The following LPIN3 variants were observed in gnomAD, a reference collection of about 807,000 sequenced individuals.
LPIN3 encodes the protein phosphatidate phosphatase LPIN3.
A neutral mutation model predicts 94.7 loss-of-function variants in LPIN3; 82 were observed. The ratio of observed to expected loss-of-function variants is 0.87; its 90% confidence interval spans 0.72 to 1.04. The LOEUF is 1.04. Among genes scored for constraint, LPIN3 ranks in the 50% least tolerant of loss-of-function variants. The pLI is 0.00. For missense variants in LPIN3, 996 were observed against 1,090.5 expected, an observed-to-expected ratio of 0.91 and a Z score of 1.22; for synonymous variants, 418 against 443.3, an observed-to-expected ratio of 0.94 and a Z score of 0.72.
At chr20:41,354,394 C>G (rs1016321778) in intron 11 of LPIN3, among the ~76,000 whole-genome samples, 12 of 152,174 alleles carry the variant, frequency 7.9e-5, no homozygotes, top group African/African-American at 2.7e-4. Flanking sequence ...CAGGCTGAGG[C>G]TGGGTTAGAG....
chr20:41,357,412 C>T lies in LPIN3; in HGVS notation c.2004C>T (p.His668=). Residue 668 remains histidine (H), a synonymous_variant, in exon 16 of 20, where the codon CAC becomes CAT. Coordinates refer to ENST00000373257, the MANE Select transcript of LPIN3 (RefSeq NM_022896.3). The part of the protein sequence containing the change: ...ILPQLGKDWT[H]QGITSLYHKI... ...CCCAGCTGGGGAAAGACTGGACACA[C>T]CAGGGCATCACCAGTCTCTATCACA... is the stretch of plus-strand genomic sequence containing the variant. The T allele has an allele frequency of 1.9e-6, 3 of 1,613,956 alleles. No individual in the cohort carries two copies. Among genetic ancestry groups the T allele is most frequent in the Non-Finnish European group, 1.7e-6 (2 of 1,179,972 alleles).
At chr20:41,350,815 C>A (rs1031314405) in intron 7 of LPIN3, among the ~76,000 whole-genome samples, 1 of 152,110 alleles carries the variant, frequency 6.6e-6, no homozygotes, top group Admixed American at 6.5e-5. Context: ...AAATGGAAGA[C>A]GGCCGGGATA....
In LPIN3 at chr20:41,352,219, A is replaced by G. The variant is rs1022579203; in HGVS notation, c.1362A>G (p.Leu454=). Reference sequence around the variant, plus strand: ...TGGCTGACAGCCGGGACATCTCCCTAGGTATGTTCGACCATGGCCAAGCCC... The same window carrying G: ...TGGCTGACAGCCGGGACATCTCCCTGGGTATGTTCGACCATGGCCAAGCCC... ...GGLADSRDIS[L]EKFNQHSVSY... The change falls in exon 9 of 20, where the codon CTA becomes CTG. Residue 454 remains leucine (L), a splice_region_variant and synonymous_variant. Transcript: ENST00000373257. 4 of 1,613,958 alleles carry G rather than the reference A, an allele frequency of 2.5e-6. No individual in the cohort carries two copies. The highest frequency in any genetic ancestry group is 1.3e-5 in the African/African-American group (1 of 74,912).
chr20:41,358,696 C>T (rs772465252), intron 19 of LPIN3, 26 bp from the exon 20 acceptor site: 3 of 1,611,856 alleles, frequency 1.9e-6, no homozygotes, highest in Non-Finnish European at 2.5e-6. Context: ...AGCTCAGGCT[C>T]AGTGCTGGCC....
At chr20:41,346,963 T>A (rs1442133149) in intron 2 of LPIN3, among the ~76,000 whole-genome samples, 2 of 152,156 alleles carry the variant, frequency 1.3e-5, no homozygotes, top group Non-Finnish European at 2.9e-5. Flanking sequence ...ACTCAGCCTT[T>A]TTGGCTTCAT....
chr20:41,354,141 G>A (rs2046123862), intron 11 of LPIN3, among the ~76,000 whole-genome samples: 1 of 152,166 alleles, frequency 6.6e-6, no homozygotes, highest in Non-Finnish European at 1.5e-5. Flanking sequence ...TTTTCACAAG[G>A]TCAACTTGCC....
chr20:41,357,687 C>T (rs1041140170), intron 16 of LPIN3, among the ~76,000 whole-genome samples, 195 bp from the exon 17 acceptor site: 2 of 152,236 alleles, frequency 1.3e-5, no homozygotes, highest in African/African-American at 2.4e-5. Flanking sequence ...CCTCTCCATC[C>T]TGGTCCACCC....
At chr20:41,349,676 G>T in intron 5 of LPIN3, 98 bp from the exon 6 acceptor site, 1 of 1,415,192 alleles carries the variant, frequency 7.1e-7, no homozygotes, top group Non-Finnish European at 9.5e-7. Flanking sequence ...TTCAACACAG[G>T]CATAAATATA....
At chr20:41,349,279 C>T in intron 5 of LPIN3, 107 bp downstream of exon 5, 2 of 919,998 alleles carry the variant, frequency 2.2e-6, no homozygotes. Context: ...AATGTGTTTA[C>T]TAGCCATTCG....
intron 7 of LPIN3, among the ~76,000 whole-genome samples, chr20:41,351,169 C>G (rs931719230): frequency 6.6e-6 from 1 of 151,910 alleles, no homozygotes; most frequent in African/African-American, 2.4e-5. Context: ...AGGAGGGTCA[C>G]TTGAGCCCAG....
chr20:41,341,193 C>G (rs956269592), intron 1 of LPIN3, among the ~76,000 whole-genome samples, 191 bp downstream of exon 1: 1 of 152,212 alleles, frequency 6.6e-6, no homozygotes, highest in African/African-American at 2.4e-5. Context: ...CTGCAGGCCC[C>G]CTGGACACCC....
At chr20:41,348,580 G>C in intron 3 of LPIN3, 39 bp from the exon 4 acceptor site, 1 of 1,566,744 alleles carries the variant, frequency 6.4e-7, no homozygotes, top group Non-Finnish European at 8.7e-7. Flanking sequence ...AGCCCCACTA[G>C]GGTCAGCCCC....
At chr20:41,345,411 C>T (rs1329952214) in intron 1 of LPIN3, among the ~76,000 whole-genome samples, 2 of 152,216 alleles carry the variant, frequency 1.3e-5, no homozygotes, top group African/African-American at 2.4e-5. Context: ...TAATGACACC[C>T]GCTCAGCCAG....
In LPIN3 at chr20:41,358,812, C is replaced by T. The variant is rs1473317690; in HGVS notation, c.2502C>T (p.Asn834=). ...ACCTGGCCAACCCTGAATACAGTAA[C>T]TTCTGCTACTGGCGGGAGCCACTGC... ...STDLANPEYS[N]FCYWREPLPA... The change falls in exon 20 of 20, where the codon AAC becomes AAT. Residue 834 remains asparagine, a synonymous_variant. Transcript: ENST00000373257. 16 of 1,614,056 alleles carry T rather than the reference C, an allele frequency of 9.9e-6. No homozygotes were observed. Among genetic ancestry groups the T allele is most frequent in the Non-Finnish European group, 1.3e-5 (15 of 1,180,040 alleles).
At position 41,357,407 on chromosome 20, in the gene LPIN3, A is replaced by G; in HGVS notation, c.1999A>G (p.Thr667Ala). 2 of 1,613,974 alleles carry G rather than the reference A, an allele frequency of 1.2e-6. No homozygotes were observed. Among genetic ancestry groups the G allele is most frequent in the African/African-American group, 1.3e-5 (1 of 75,038 alleles). Residue 667 changes from threonine to alanine, a missense_variant, in exon 16 of 20, where the codon ACA becomes GCA. By Grantham distance (58) the Thr-to-Ala change is moderately conservative. Coordinates refer to ENST00000373257, the MANE Select transcript of LPIN3 (RefSeq NM_022896.3). ...CCTGCCCCAGCTGGGGAAAGACTGG[A>G]CACACCAGGGCATCACCAGTCTCTA... ...HILPQLGKDWTHQGITSLYHK... is the reference protein window; with the variant it reads ...HILPQLGKDWAHQGITSLYHK...
At position 41,350,191 on chromosome 20, in the gene LPIN3, A is replaced by C. The variant is rs1209021128; in HGVS notation, c.896A>C (p.Gln299Pro). Residue 299 changes from glutamine (Q) to proline (P), a missense_variant, in exon 7 of 20, where the codon CAG becomes CCG. Physicochemically the swap from Gln to Pro is moderately conservative, Grantham distance 76 (BLOSUM62 -1). Transcript: ENST00000373257. ...GGVDPLGLPI[Q>P]QTEAGADLQP... ...GTGGACCCTTTGGGACTCCCAATCC[A>C]GCAAACAGAGGCTGGTGCCGACCTT... 7.4e-6 allele frequency: 12 copies of C among 1,613,436 alleles called. No individual in the cohort carries two copies. The highest frequency in any genetic ancestry group is 2.7e-5 in the African/African-American group (2 of 74,924).
At chr20:41,350,595 G>A (rs2045972941) in intron 7 of LPIN3, among the ~76,000 whole-genome samples, 198 bp downstream of exon 7, 1 of 152,180 alleles carries the variant, frequency 6.6e-6, no homozygotes, top group Non-Finnish European at 1.5e-5. Context: ...ATAGTCATTG[G>A]TTGGAATGGG....
intron 11 of LPIN3, among the ~76,000 whole-genome samples, chr20:41,353,725 C>G (rs1600732682): frequency 6.6e-6 from 1 of 152,376 alleles, no homozygotes; most frequent in South Asian, 2.1e-4. Flanking sequence ...ACCTGCCCCT[C>G]TGGGAGCAAT....
At chr20:41,357,220 G>C in intron 15 of LPIN3, 32 bp downstream of exon 15, 1 of 1,612,784 alleles carries the variant, frequency 6.2e-7, no homozygotes, top group Non-Finnish European at 8.5e-7. Flanking sequence ...GAAGGGGAGG[G>C]AGAGGGGTTG....
Sources: allele counts gnomAD v4.1 joint callset (sites outside exome capture counted in the v4.1 genomes callset), GRCh38; gene constraint gnomAD v4.1.1; transcripts MANE v1.5; gene names NCBI Gene and HGNC (gene_info 2026-07-23, HGNC 2026-07-21).